The following COL23A1 variants were observed in gnomAD, a reference collection of about 807,000 sequenced individuals.
The protein encoded by COL23A1 is collagen type XXIII alpha 1 chain.
In COL23A1, 97 loss-of-function variants were observed where a neutral mutation model predicts 99.3. The observed-to-expected ratio is 0.98, with a 90% CI of 0.83 to 1.16. The LOEUF (loss-of-function observed/expected upper bound fraction) is 1.16, where lower values mean the gene tolerates loss of function less well. COL23A1 is among the 50% of genes most tolerant of loss of function. The probability of loss-of-function intolerance (pLI) is 0.00; values close to 1 mark genes in which losing one functional copy is unlikely to be tolerated. For missense variants in COL23A1, 762 were observed against 757.4 expected (o/e 1.01, Z -0.07); for synonymous variants, 320 against 308.2 (o/e 1.04, Z -0.40).
At chr5:178,408,818 G>C (rs1764892950) in intron 2 of COL23A1, among the ~76,000 whole-genome samples, 1 of 151,922 alleles carries the variant, frequency 6.6e-6, no homozygotes, top group African/African-American at 2.4e-5. Flanking sequence ...AGCTGGGTGT[G>C]GTGGCAGGAG....
intron 2 of COL23A1, among the ~76,000 whole-genome samples, chr5:178,465,415 G>GT (rs1199435308): frequency 6.6e-6 from 1 of 152,200 alleles, no homozygotes; most frequent in Non-Finnish European, 1.5e-5. Flanking sequence ...TGGTGCATCT[G>GT]TTTTCTCTCT....
At chr5:178,359,755 G>A (rs1194797530) in intron 2 of COL23A1, among the ~76,000 whole-genome samples, 1 of 152,230 alleles carries the variant, frequency 6.6e-6, no homozygotes, top group Admixed American at 6.5e-5. Flanking sequence ...AAGCTGGGAG[G>A]GGGCCCAGGC....
rs1274923876 is a variant in COL23A1 at position 178,384,906 on chromosome 5, A to C, written c.362-77987T>G. ...GGAGGAAGAGCGCGGTGAGAGGTCA[A>C]ATGGGTGGCGAGGCTCCCGCTCCTT... On this transcript the variant is annotated intron_variant, in intron 2 of 28. Transcript: ENST00000390654. The surrounding 1 kb of genome is among the most constrained non-coding windows in gnomAD (Gnocchi z 5.5). 6.7e-6 allele frequency among the ~76,000 whole-genome samples: 1 copy of C among 148,610 alleles called. No individual in the cohort carries two copies. The highest frequency in any genetic ancestry group is 2.1e-4 in the East Asian group (1 of 4,836).
intron 17 of COL23A1, among the ~76,000 whole-genome samples, 160 bp from the exon 18 acceptor site, chr5:178,250,265 C>T (rs953549355): frequency 1.9e-4 from 29 of 152,204 alleles, no homozygotes; most frequent in African/African-American, 7.0e-4. Context: ...TTTCCTCAGC[C>T]CATCACGAGC....
Position 178,469,000 on chromosome 5 carries a change from T to C in COL23A1, c.361+91682A>G, listed in dbSNP as rs2672838. On this transcript the variant is annotated intron_variant, in intron 2 of 28. Coordinates refer to ENST00000390654, the MANE Select transcript of COL23A1 (RefSeq NM_173465.4). This position sits in a 1 kb window ranked among gnomAD's most constrained non-coding sequence, Gnocchi z 4.2. The stretch of plus-strand genomic sequence containing the variant: ...GGTGCCTCACATAAGTGGAATCATA[T>C]CGTGTTTGTCCTTCTGTGTGTGGCT... Among the ~76,000 whole-genome samples the C allele has an allele frequency of 0.81, 122,477 of 151,854 alleles. 50,431 individuals carry two copies. Among genetic ancestry groups the C allele is most frequent in the Non-Finnish European group, 0.9 (61,052 of 67,934 alleles).
chr5:178,269,376 TATCCATCC>T, intron 6 of COL23A1, among the ~76,000 whole-genome samples: 1 of 13,978 alleles, frequency 7.2e-5, no homozygotes, highest in East Asian at 2.5e-3. Flanking sequence ...CCCACCCATC[TATCCATCC>T]ATCCACCCAC....
At chr5:178,462,918 CGAG>C (rs909714163) in intron 2 of COL23A1, among the ~76,000 whole-genome samples, 7 of 152,152 alleles carry the variant, frequency 4.6e-5, no homozygotes, top group Admixed American at 1.3e-4. Flanking sequence ...GACTGCGGAA[CGAG>C]GAGGAGAGAA....
At chr5:178,333,598 G>A (rs992423156) in intron 2 of COL23A1, among the ~76,000 whole-genome samples, 1 of 152,134 alleles carries the variant, frequency 6.6e-6, no homozygotes, top group Admixed American at 6.5e-5. Flanking sequence ...TCCTGGACCC[G>A]AGGCTTCAGT....
At chr5:178,580,643 C>G (rs1763618754) in intron 1 of COL23A1, among the ~76,000 whole-genome samples, 2 of 152,154 alleles carry the variant, frequency 1.3e-5, no homozygotes, top group Non-Finnish European at 1.5e-5. Context: ...AGAATCTTCC[C>G]AAACTGAATT....
chr5:178,525,019 CGGCT>C (rs1562053776), intron 2 of COL23A1, among the ~76,000 whole-genome samples: 158 of 152,218 alleles, frequency 1.0e-3, no homozygotes, highest in African/African-American at 3.6e-3. Flanking sequence ...TTAAATAACT[CGGCT>C]AAGCTCACAT....
intron 2 of COL23A1, among the ~76,000 whole-genome samples, chr5:178,498,227 T>A (rs1283945773): frequency 5.8e-5 from 3 of 51,778 alleles, no homozygotes; most frequent in Non-Finnish European, 6.4e-5. Context: ...TATATATATA[T>A]ATATATATAT....
chr5:178,279,060 C>T (rs1028186063), intron 5 of COL23A1, among the ~76,000 whole-genome samples: 6 of 152,172 alleles, frequency 3.9e-5, no homozygotes, highest in Non-Finnish European at 7.3e-5. Flanking sequence ...TCGGAGAGGC[C>T]AGGACACCAG....
chr5:178,294,908 G>A (rs944166332), intron 3 of COL23A1, among the ~76,000 whole-genome samples: 25 of 152,216 alleles, frequency 1.6e-4, no homozygotes, highest in African/African-American at 5.8e-4. Flanking sequence ...TTGGGAGGCC[G>A]AGGCAGGCGG....
chr5:178,307,062 G>A lies in COL23A1; in HGVS notation c.362-143C>T, dbSNP rs919095391. 24 of 541,144 alleles carry A rather than the reference G, an allele frequency of 4.4e-5. No individual in the cohort carries two copies. The highest frequency in any genetic ancestry group is 3.6e-4 in the African/African-American group (18 of 49,958). The allele number at this position is 541,144 out of a possible 1,614,324, so 33.5% of individuals were successfully genotyped here. ...CCGAGGGGGTCTGCTGGCTGTGGAG[G>A]GGGAGATGCGTGGGGAGAAACCCCT... On this transcript the variant is annotated intron_variant, in intron 2 of 28. Coordinates refer to ENST00000390654, the MANE Select transcript of COL23A1 (RefSeq NM_173465.4). The surrounding 1 kb of genome is among the most constrained non-coding windows in gnomAD (Gnocchi z 4.2).
intron 2 of COL23A1, among the ~76,000 whole-genome samples, chr5:178,346,213 T>A (rs1037720995): frequency 3.3e-5 from 5 of 152,092 alleles, no homozygotes; most frequent in African/African-American, 9.7e-5. Context: ...TTTATTTATT[T>A]ATTATTTATT....
At chr5:178,470,776 CCA>C (rs1191492595) in intron 2 of COL23A1, among the ~76,000 whole-genome samples, 1 of 107,322 alleles carries the variant, frequency 9.3e-6, no homozygotes, top group East Asian at 2.2e-4. Context: ...GACACTGGAC[CCA>C]GATACCTCCT....
Position 178,240,123 on chromosome 5 carries a change from C to T in COL23A1, c.1582-944G>A, listed in dbSNP as rs368699698. 5.8e-4 allele frequency among the ~76,000 whole-genome samples: 88 copies of T among 152,236 alleles called. 1 individual carries two copies. The Middle Eastern group carries it at 0.01, about 18-fold the overall frequency. On this transcript the variant is annotated intron_variant, in intron 27 of 28. Coordinates refer to ENST00000390654, the MANE Select transcript of COL23A1 (RefSeq NM_173465.4). The stretch of plus-strand genomic sequence containing the variant: ...TATCTAGCGGCACCTGTGGTGCCCA[C>T]CCAGGAGCCAGACATAAGCAGGGGC...
chr5:178,290,395 CAGTCAGTGTGGA>C (rs1757390493), intron 3 of COL23A1, 26 bp from the exon 4 acceptor site: 3 of 1,614,122 alleles, frequency 1.9e-6, no homozygotes, highest in Non-Finnish European at 2.5e-6. Context: ...AGAGAAGCCA[CAGTCAGTGTGGA>C]AGGCAGAGTC....
At chr5:178,357,339 T>C (rs1442132411) in intron 2 of COL23A1, among the ~76,000 whole-genome samples, 2 of 152,138 alleles carry the variant, frequency 1.3e-5, no homozygotes, top group East Asian at 3.9e-4. Context: ...CCGGCGGAAG[T>C]GCCTCTGCCC....
Sources: gnomAD v4.1 joint callset for allele counts (sites outside exome capture counted in the v4.1 genomes callset) on GRCh38, gnomAD v4.1.1 for gene constraint, Gnocchi (gnomAD v3.1) non-coding constraint, MANE v1.5 for transcripts, NCBI Gene and HGNC (gene_info 2026-07-23, HGNC 2026-07-21) for gene names.